GRIA4: variants seen among roughly 807,000 people sequenced by gnomAD.
GRIA4 encodes the protein glutamate receptor 4.
A neutral mutation model predicts 104.0 loss-of-function variants in GRIA4; 34 were observed. The ratio of observed to expected loss-of-function variants is 0.33; its 90% CI spans 0.25 to 0.44. GRIA4 has a LOEUF of 0.44. Among genes scored for constraint, GRIA4 ranks in the 20% least tolerant of loss-of-function variants. The pLI is 1.00. For missense variants in GRIA4, 750 were observed against 1,096.5 expected, an observed-to-expected ratio of 0.68 and a Z score of 4.46; for synonymous variants, 386 against 381.9, an observed-to-expected ratio of 1.01 and a Z score of -0.13.
intron 4 of GRIA4, among the ~76,000 whole-genome samples, chr11:105,821,697 C>T (rs767834804): frequency 6.6e-6 from 1 of 152,036 alleles, no homozygotes; most frequent in Non-Finnish European, 1.5e-5. Flanking sequence ...TACAATTCAA[C>T]GTGAGATTTG....
chr11:105,768,625 T>G (rs1344704488), intron 4 of GRIA4, among the ~76,000 whole-genome samples: 2 of 152,052 alleles, frequency 1.3e-5, no homozygotes, highest in African/African-American at 2.4e-5. Context: ...TGAATCAGTA[T>G]GAATGAGTGA....
chr11:105,859,846 A>G (rs1019362179), intron 4 of GRIA4, among the ~76,000 whole-genome samples: 4 of 152,192 alleles, frequency 2.6e-5, no homozygotes, highest in Non-Finnish European at 5.9e-5. Flanking sequence ...GAACATGTTC[A>G]TAGGTGTCAA....
chr11:105,666,311 T>C (rs1952163637), intron 3 of GRIA4, among the ~76,000 whole-genome samples: 1 of 152,058 alleles, frequency 6.6e-6, no homozygotes, highest in South Asian at 2.1e-4. Flanking sequence ...ACAGGTACTA[T>C]GCTTACAATA....
At chr11:105,710,823 G>A (rs1032904180) in intron 3 of GRIA4, among the ~76,000 whole-genome samples, 5 of 152,090 alleles carry the variant, frequency 3.3e-5, no homozygotes, top group African/African-American at 1.2e-4. Flanking sequence ...ATGGTATCCA[G>A]TATGTGTGTT....
At chr11:105,801,767 A>G (rs986597121) in intron 4 of GRIA4, among the ~76,000 whole-genome samples, 7 of 152,136 alleles carry the variant, frequency 4.6e-5, no homozygotes, top group Non-Finnish European at 1.0e-4. Flanking sequence ...TCTAACAATA[A>G]GTGTTATAAT....
At chr11:105,700,822 C>A (rs1953462467) in intron 3 of GRIA4, among the ~76,000 whole-genome samples, 1 of 152,148 alleles carries the variant, frequency 6.6e-6, no homozygotes, top group Non-Finnish European at 1.5e-5. Flanking sequence ...CTGCCTCTGG[C>A]TTTGTTCCTC....
intron 3 of GRIA4, among the ~76,000 whole-genome samples, chr11:105,720,118 A>AT (rs879725172): frequency 5.2e-4 from 76 of 144,822 alleles, no homozygotes; most frequent in East Asian, 1.4e-3. Context: ...CTAAACCAGT[A>AT]TTTTTTTTTT....
At position 105,910,565 on chromosome 11, in the gene GRIA4, T is replaced by C; in HGVS notation, c.1269+20T>C. ...ATTATGGTAAGTGTTGGTCTATGCT[T>C]TATGGTGTTCCGTTTTGTCCACAGG... On this transcript the variant is annotated intron_variant, in intron 10 of 16. Transcript: ENST00000282499. 1 of 1,258,016 alleles carries C rather than the reference T, an allele frequency of 7.9e-7. No homozygotes were observed. The highest frequency in any genetic ancestry group is 2.3e-5 in the East Asian group (1 of 43,176). The allele number at this position is 1,258,016 out of a possible 1,614,324, so 77.9% of individuals were successfully genotyped here. A position where few individuals can be genotyped will look rare whatever the true frequency, so the allele number is the denominator to read the frequency against.
At chr11:105,863,648 G>C (rs1945307187) in intron 5 of GRIA4, among the ~76,000 whole-genome samples, 1 of 152,094 alleles carries the variant, frequency 6.6e-6, no homozygotes, top group South Asian at 2.1e-4. Flanking sequence ...TTGAGAGTTT[G>C]AGTTGTTTGA....
At chr11:105,721,027 G>A (rs1402468085) in intron 3 of GRIA4, among the ~76,000 whole-genome samples, 2 of 152,190 alleles carry the variant, frequency 1.3e-5, no homozygotes, top group Non-Finnish European at 2.9e-5. Context: ...CATGGACAGT[G>A]TTAAGTGGTT....
chr11:105,702,977 A>G (rs1438088614), intron 3 of GRIA4, among the ~76,000 whole-genome samples: 1 of 152,104 alleles, frequency 6.6e-6, no homozygotes, highest in East Asian at 1.9e-4. Context: ...TTAAAGGCAT[A>G]AGACACAGAA....
At chr11:105,789,450 T>C (rs1287033348) in intron 4 of GRIA4, among the ~76,000 whole-genome samples, 1 of 152,122 alleles carries the variant, frequency 6.6e-6, no homozygotes, top group Non-Finnish European at 1.5e-5. Flanking sequence ...AATTATAACA[T>C]TTATGTATGC....
At chr11:105,753,730 G>A (rs1483271923) in intron 4 of GRIA4, among the ~76,000 whole-genome samples, 1 of 152,118 alleles carries the variant, frequency 6.6e-6, no homozygotes, top group East Asian at 1.9e-4. Flanking sequence ...GGGTTCCCGT[G>A]ACCCTTCTCC....
intron 4 of GRIA4, among the ~76,000 whole-genome samples, chr11:105,849,842 C>G (rs142360147): frequency 0.01 from 1,523 of 152,268 alleles, 17 homozygotes; most frequent in Non-Finnish European, 0.011. Flanking sequence ...GGATTCTTTA[C>G]TGGAATTTGT....
intron 3 of GRIA4, among the ~76,000 whole-genome samples, chr11:105,673,049 C>G (rs975690110): frequency 2.0e-5 from 3 of 152,112 alleles, no homozygotes; most frequent in Admixed American, 1.3e-4. Flanking sequence ...TCCCTATGCT[C>G]TTAGAGTAAA....
At chr11:105,713,230 A>C (rs556155861) in intron 3 of GRIA4, among the ~76,000 whole-genome samples, 1 of 152,184 alleles carries the variant, frequency 6.6e-6, no homozygotes, top group East Asian at 1.9e-4. Flanking sequence ...TAAAAATACA[A>C]AAATTAGCTG....
At chr11:105,921,114 T>C (rs1947545634) in intron 11 of GRIA4, among the ~76,000 whole-genome samples, 1 of 152,210 alleles carries the variant, frequency 6.6e-6, no homozygotes, top group Non-Finnish European at 1.5e-5. Flanking sequence ...TTTGTTGCTA[T>C]AATTGTAATG....
chr11:105,906,761 TTGAC>T (rs1281752235), intron 9 of GRIA4, among the ~76,000 whole-genome samples: 13 of 151,950 alleles, frequency 8.6e-5, no homozygotes, highest in Admixed American at 5.9e-4. Flanking sequence ...TCTAAGGAGA[TTGAC>T]TGAAGCAAGG....
At chr11:105,675,405 C>G (rs961150354) in intron 3 of GRIA4, among the ~76,000 whole-genome samples, 6 of 151,790 alleles carry the variant, frequency 4.0e-5, no homozygotes, top group Admixed American at 2.0e-4. Context: ...TAGTTCCCAA[C>G]ATTTAGGATT....
Sources: gnomAD v4.1 joint callset for allele counts (sites outside exome capture counted in the v4.1 genomes callset) on GRCh38, gnomAD v4.1.1 for gene constraint, MANE v1.5 for transcripts, NCBI Gene and HGNC (gene_info 2026-07-23, HGNC 2026-07-21) for gene names.